The following ARHGAP33 variants were observed in gnomAD, a reference collection of about 807,000 sequenced individuals.
ARHGAP33 encodes rho GTPase-activating protein 33.
In ARHGAP33, 57 loss-of-function variants were observed where a neutral mutation model predicts 126.2. The ratio of observed to expected loss-of-function variants is 0.45; its 90% CI spans 0.36 to 0.56. The LOEUF is 0.56. Among genes scored for constraint, ARHGAP33 ranks in the 20% least tolerant of loss-of-function variants. The pLI, the probability that ARHGAP33 is intolerant of heterozygous loss-of-function variation, is 0.00. For synonymous variants in ARHGAP33, 711 were observed against 755.0 expected (o/e 0.94, Z 0.95); for missense variants, 1,500 against 1,748.3 (o/e 0.86, Z 2.53).
At position 35,779,142 on chromosome 19, in the gene ARHGAP33, G is replaced by T. The variant is rs370580803; in HGVS notation, c.501+18G>T. Reference sequence around the variant, plus strand: ...GGATGGAGGTGGGCCTGGGCAGGGGGCTTGGAGATTCCGAGTGGGTGAGGG... The same window carrying T: ...GGATGGAGGTGGGCCTGGGCAGGGGTCTTGGAGATTCCGAGTGGGTGAGGG... On this transcript the variant is annotated intron_variant, in intron 6 of 20. Coordinates refer to ENST00000007510, the MANE Select transcript of ARHGAP33 (RefSeq NM_001366178.1). 6.5e-6 allele frequency: 10 copies of T among 1,546,112 alleles called. No homozygotes were observed. In the African/African-American group the frequency reaches 1.1e-4, roughly 17 times the overall value.
Position 35,777,641 on chromosome 19 carries a change from A to G in ARHGAP33, c.7-4A>G. 6.4e-7 allele frequency: 1 copy of G among 1,564,420 alleles called. No homozygotes were observed. The highest frequency in any genetic ancestry group is 1.3e-5 in the African/African-American group (1 of 74,184). ...GGGGGCCTCTGATTCTTTCTGCTCT[A>G]CAGGCACGCAGCACTGACAGCCTGG... On this transcript the variant is annotated splice_region_variant and splice_polypyrimidine_tract_variant and intron_variant, in intron 1 of 20. Transcript: ENST00000007510.
At chr19:35,781,938 G>A (rs912588511) in intron 12 of ARHGAP33, among the ~76,000 whole-genome samples, 7 of 152,144 alleles carry the variant, frequency 4.6e-5, no homozygotes, top group African/African-American at 1.7e-4. Context: ...CAGGGGGGTG[G>A]CCAAGAGGGA....
Position 35,787,572 on chromosome 19 carries a change from C to T in ARHGAP33, c.3007C>T (p.Leu1003Phe). 6.2e-7 allele frequency: 1 copy of T among 1,610,180 alleles called. No individual in the cohort carries two copies. Among genetic ancestry groups the T allele is most frequent in the South Asian group, 1.1e-5 (1 of 90,950 alleles). Reference protein sequence around the residue: ...LRGPAQVSAQLRAGGGGRDAP... With the variant: ...LRGPAQVSAQFRAGGGGRDAP... ...AGGCCCTGCCCAGGTCAGTGCCCAG[C>T]TCAGGGCAGGTGGCGGGGGCAGGGA... The change falls in exon 21 of 21, where the codon CTC (leucine) becomes TTC (phenylalanine). Residue 1003 changes from leucine to phenylalanine, a missense_variant. This residue lies in a region of ARHGAP33 where 642 missense variants were observed against 634.0 expected (regional missense o/e 1.01). Coordinates refer to ENST00000007510, the MANE Select transcript of ARHGAP33 (RefSeq NM_001366178.1).
At chr19:35,778,244 AC>A (rs1971561266) in intron 3 of ARHGAP33, 35 bp from the exon 4 acceptor site, 1 of 1,612,278 alleles carries the variant, frequency 6.2e-7, no homozygotes, top group African/African-American at 1.3e-5. Context: ...CAGGACTGGG[AC>A]AAAAGTCCAC....
intron 6 of ARHGAP33, chr19:35,779,981 G>A (rs1399245229): frequency 1.5e-6 from 1 of 648,324 alleles, no homozygotes; most frequent in Non-Finnish European, 2.8e-6. Flanking sequence ...GGAGAGTCCT[G>A]GGACATGTGA....
chr19:35,779,739 T>TA (rs77089963), intron 6 of ARHGAP33: 37,916 of 345,318 alleles, frequency 0.11, 1,953 homozygotes, highest in Admixed American at 0.17. Flanking sequence ...TCTGGCTAAT[T>TA]AAAAAAAAAT....
chr19:35,785,294 G>T lies in ARHGAP33; in HGVS notation c.1827G>T (p.Leu609=). The part of the protein sequence containing the change: ...RGPSVPRKKP[L]PWLGGTRAPP... The stretch of plus-strand genomic sequence containing the variant: ...CCAGTGTCCCTCGAAAGAAGCCCCT[G>T]CCCTGGCTGGGGGGCACCCGTGCCC... Residue 609 remains leucine, a synonymous_variant, in exon 18 of 21, where the codon CTG becomes CTT. Coordinates refer to ENST00000007510, the MANE Select transcript of ARHGAP33 (RefSeq NM_001366178.1). 3 of 1,604,416 alleles carry T rather than the reference G, an allele frequency of 1.9e-6. No individual in the cohort carries two copies. Among genetic ancestry groups the T allele is most frequent in the Non-Finnish European group, 2.6e-6 (3 of 1,174,930 alleles).
intron 5 of ARHGAP33, 184 bp from the exon 6 acceptor site, chr19:35,778,848 G>A (rs1035371307): frequency 7.8e-6 from 6 of 768,334 alleles, no homozygotes; most frequent in African/African-American, 7.0e-5. Context: ...GCCAACCAGG[G>A]TACTCAAGAG....
intron 1 of ARHGAP33, 22 bp downstream of exon 1, chr19:35,775,686 C>T: frequency 6.5e-7 from 1 of 1,540,054 alleles, no homozygotes; most frequent in Non-Finnish European, 8.7e-7. Context: ...ACGCGGCCGT[C>T]AGCCTGTCCG....
rs543781518 is a variant in ARHGAP33 at position 35,787,968 on chromosome 19, C to T, written c.3403C>T (p.Leu1135=). The change falls in exon 21 of 21, where the codon CTG becomes TTG. Residue 1135 remains leucine (L), a synonymous_variant. Transcript: ENST00000007510. The part of the protein sequence containing the change: ...SPPLHRSPDF[L]LSYPPAPSCF... Reference sequence around the variant, plus strand: ...CCCACTCCACAGGTCCCCCGACTTCCTGCTCAGCTACCCGCCAGCCCCCTC... The same window carrying T: ...CCCACTCCACAGGTCCCCCGACTTCTTGCTCAGCTACCCGCCAGCCCCCTC... 12 of 1,378,494 alleles carry T rather than the reference C, an allele frequency of 8.7e-6. No individual in the cohort carries two copies. The highest frequency in any genetic ancestry group is 1.5e-5 in the African/African-American group (1 of 65,676). 85.4% of individuals were successfully genotyped at this position (1,378,494 alleles called of 1,614,324 possible).
chr19:35,778,244 A>G, intron 3 of ARHGAP33, 36 bp from the exon 4 acceptor site: 1 of 1,612,396 alleles, frequency 6.2e-7, no homozygotes, highest in Non-Finnish European at 8.5e-7. Flanking sequence ...CAGGACTGGG[A>G]CAAAAGTCCA....
At position 35,785,062 on chromosome 19, in the gene ARHGAP33, C is replaced by T. The variant is rs1336889081; in HGVS notation, c.1677C>T (p.Pro559=). Residue 559 remains proline, a synonymous_variant, in exon 17 of 21, where the codon CCC becomes CCT. Transcript: ENST00000007510. The part of the protein sequence containing the change: ...QARTQGRLGT[P]TEPTTPKAPA... ...GCACCCAGGGCCGGCTGGGGACGCC[C>T]ACGGAGCCCACAACTCCCAAGGCCC... 2 of 1,561,530 alleles carry T rather than the reference C, an allele frequency of 1.3e-6. No individual in the cohort carries two copies. Among genetic ancestry groups the T allele is most frequent in the Non-Finnish European group, 1.7e-6 (2 of 1,152,970 alleles).
chr19:35,777,568 C>T (rs753172567), intron 1 of ARHGAP33, 77 bp from the exon 2 acceptor site: 54 of 1,270,736 alleles, frequency 4.2e-5, no homozygotes, highest in Non-Finnish European at 5.5e-5. Flanking sequence ...GCTCTGGACC[C>T]GCGCTGCCAG....
At chr19:35,778,970 G>A in intron 5 of ARHGAP33, 62 bp from the exon 6 acceptor site, 1 of 1,356,702 alleles carries the variant, frequency 7.4e-7, no homozygotes, top group Non-Finnish European at 1.0e-6. Flanking sequence ...AGGGCAGTGT[G>A]GGAGGGCAGT....
intron 7 of ARHGAP33, 27 bp from the exon 8 acceptor site, chr19:35,780,394 C>T (rs770627455): frequency 4.4e-6 from 7 of 1,604,502 alleles, no homozygotes; most frequent in Non-Finnish European, 6.0e-6. Flanking sequence ...CCTTCTGACC[C>T]TTCTCTTCCC....
Position 35,778,352 on chromosome 19 carries a change from A to G in ARHGAP33, c.262A>G (p.Thr88Ala), listed in dbSNP as rs762589982. The change falls in exon 4 of 21, where the codon ACC (threonine) becomes GCC (alanine). Residue 88 changes from threonine to alanine, a missense_variant. Thr to Ala is a moderately conservative substitution (Grantham distance 58, BLOSUM62 0). Coordinates refer to ENST00000007510, the MANE Select transcript of ARHGAP33 (RefSeq NM_001366178.1). ...ENELVFGVQV[T>A]CQGRSWPVLR... is the part of the protein sequence containing the mutation. The stretch of plus-strand genomic sequence containing the variant: ...TGAGCTGGTGTTCGGGGTGCAGGTG[A>G]CCTGTCAGGTGAGGCCATCCCGCCT... 3 of 1,614,142 alleles carry G rather than the reference A, an allele frequency of 1.9e-6. No homozygotes were observed. Among genetic ancestry groups the G allele is most frequent in the Admixed American group, 1.7e-5 (1 of 60,016 alleles).
chr19:35,785,499 AAT>A lies in ARHGAP33; in HGVS notation c.1942+17_1942+18del. The A allele has an allele frequency of 6.2e-7, 1 of 1,614,106 alleles. No individual in the cohort carries two copies. Among genetic ancestry groups the A allele is most frequent in the Non-Finnish European group, 8.5e-7 (1 of 1,179,976 alleles). On this transcript the variant is annotated intron_variant, in intron 19 of 20. Coordinates refer to ENST00000007510, the MANE Select transcript of ARHGAP33 (RefSeq NM_001366178.1). ...AGCGGGGCTGGTGAGCAAGGCGGGC[AAT>A]TGGGGGGCGCTACCTGTGCCCATGT...
chr19:35,785,901 T>G, intron 19 of ARHGAP33: 1 of 1,096,110 alleles, frequency 9.1e-7, no homozygotes, highest in Non-Finnish European at 1.1e-6. Flanking sequence ...GTAAGGATCA[T>G]ACTGCTCAGT....
intron 6 of ARHGAP33, chr19:35,779,934 G>A (rs1409030386): frequency 1.8e-6 from 1 of 561,902 alleles, no homozygotes; most frequent in African/African-American, 1.9e-5. Flanking sequence ...GTGCAGAGGT[G>A]GATGGGGAAG....
Sources: allele counts gnomAD v4.1 joint callset (sites outside exome capture counted in the v4.1 genomes callset), GRCh38; gene constraint gnomAD v4.1.1; regional missense constraint gnomAD v4.1.1; transcripts MANE v1.5; gene names NCBI Gene and HGNC (gene_info 2026-07-23, HGNC 2026-07-21).